The following ST6GALNAC1 variants were observed in gnomAD, a reference collection of about 807,000 sequenced individuals.
The protein encoded by ST6GALNAC1 is ST6 N-acetylgalactosaminide alpha-2,6-sialyltransferase 1.
ST6GALNAC1 carries 45 observed loss-of-function variants against 56.8 expected under a neutral mutation model. The observed-to-expected ratio is 0.79, with a 90% confidence interval of 0.62 to 1.02. The LOEUF (loss-of-function observed/expected upper bound fraction) is 1.02. ST6GALNAC1 is among the 50% of genes least tolerant of loss of function. The pLI is 0.00. For missense variants in ST6GALNAC1, 743 were observed against 754.8 expected (o/e 0.98, Z 0.18); for synonymous variants, 295 against 297.8 (o/e 0.99, Z 0.10).
downstream of ST6GALNAC1, among the ~76,000 whole-genome samples, chr17:76,619,763 T>A (rs1428874657): frequency 6.9e-6 from 1 of 144,268 alleles, no homozygotes; most frequent in Non-Finnish European, 1.5e-5. Flanking sequence ...TTTTTTTTTT[T>A]TAGGCAGAGT....
rs1337522315 is a variant in ST6GALNAC1, at chr17:76,643,545, G to A, written c.94C>T (p.Pro32Ser). 6.2e-7 allele frequency: 1 copy of A among 1,614,014 alleles called. No homozygotes were observed. The highest frequency in any genetic ancestry group is 1.3e-5 in the African/African-American group (1 of 74,930). The change falls in exon 1 of 9, where the codon CCC (proline) becomes TCC (serine). Residue 32 changes from proline to serine, a missense_variant. Coordinates refer to ENST00000156626, the MANE Select transcript of ST6GALNAC1 (RefSeq NM_018414.5). ...AVLVFFLFAL[P>S]SFIKEPQTKP... ...GTTTGAGGCTCCTTAATAAAAGAGG[G>A]CAAGGCGAAGAGAAAGAAGACCAGG...
chr17:76,638,226 A>T (rs567361059), intron 1 of ST6GALNAC1, among the ~76,000 whole-genome samples: 1 of 151,786 alleles, frequency 6.6e-6, no homozygotes, highest in East Asian at 1.9e-4. Context: ...ACAAGCATAG[A>T]TCTTCCAAAA....
intron 2 of ST6GALNAC1, among the ~76,000 whole-genome samples, chr17:76,628,515 C>T (rs1187093897): frequency 6.6e-6 from 1 of 152,122 alleles, no homozygotes; most frequent in Non-Finnish European, 1.5e-5. Context: ...GTGGTTCAGT[C>T]AGACTGTTTC....
At chr17:76,618,642 G>A in the ST6GALNAC1 span, among the ~76,000 whole-genome samples, 108 of 152,172 alleles carry the variant, frequency 7.1e-4, 1 homozygote, top group Middle Eastern at 0.01. Context: ...TTAGCCGGGC[G>A]TGGTGGCAGG....
chr17:76,640,485 G>A (rs1287810573), intron 1 of ST6GALNAC1, among the ~76,000 whole-genome samples: 1 of 152,082 alleles, frequency 6.6e-6, no homozygotes, highest in Non-Finnish European at 1.5e-5. Context: ...CCAAAACATC[G>A]CCCCAGGAGG....
In ST6GALNAC1 at chr17:76,626,087, G is replaced by T; in HGVS notation, c.1424C>A (p.Pro475His). The T allele has an allele frequency of 6.2e-7, 1 of 1,614,108 alleles. No homozygotes were observed. Among genetic ancestry groups the T allele is most frequent in the Middle Eastern group, 1.6e-4 (1 of 6,062 alleles). Residue 475 changes from proline to histidine, a missense_variant, in exon 7 of 9, where the codon CCC (proline) becomes CAC (histidine). Physicochemically the swap from Pro to His is moderately conservative, Grantham distance 77 (BLOSUM62 -2). Transcript: ENST00000156626. The stretch of plus-strand genomic sequence containing the variant: ...CAGGGCTTCCCGAAAAGCTTCCTGG[G>T]GTCTGTGCCTGTGGTTAGGAAGGGG... The part of the protein sequence containing the change: ...SKNLFWFRHR[P>H]QEAFREALHM...
intron 1 of ST6GALNAC1, among the ~76,000 whole-genome samples, chr17:76,636,552 C>G (rs1296320700): frequency 6.6e-6 from 1 of 152,178 alleles, no homozygotes; most frequent in Admixed American, 6.5e-5. Flanking sequence ...TCACACGGAG[C>G]TGAGATCACG....
chr17:76,642,369 C>T (rs928899803), intron 1 of ST6GALNAC1, among the ~76,000 whole-genome samples: 2 of 152,148 alleles, frequency 1.3e-5, no homozygotes, highest in Non-Finnish European at 2.9e-5. Context: ...CACTTCAGTT[C>T]TGTGTATCTC....
rs1174938950 is a variant in ST6GALNAC1, at chr17:76,625,150, A to G, written c.*180T>C. ...CAGCAATGTACTGAAGAACTTCAGAACCTCAATTAGCCATTTGCCATCTTG... is the reference window on the plus strand; with the variant it reads ...CAGCAATGTACTGAAGAACTTCAGAGCCTCAATTAGCCATTTGCCATCTTG... On this transcript the variant is annotated 3_prime_UTR_variant, in exon 9 of 9. Coordinates refer to ENST00000156626, the MANE Select transcript of ST6GALNAC1 (RefSeq NM_018414.5). 7 of 650,254 alleles carry G rather than the reference A, an allele frequency of 1.1e-5. No individual in the cohort carries two copies. In the Admixed American group the frequency reaches 1.8e-4, roughly 16 times the overall value. 40.3% of individuals were successfully genotyped at this position (650,254 alleles called of 1,614,324 possible).
chr17:76,618,898 C>A, the ST6GALNAC1 span, among the ~76,000 whole-genome samples: 1 of 152,110 alleles, frequency 6.6e-6, no homozygotes, highest in Non-Finnish European at 1.5e-5. Flanking sequence ...GCGCTGAGAT[C>A]ACGCCACTGC....
downstream of ST6GALNAC1, among the ~76,000 whole-genome samples, chr17:76,620,836 C>T (rs2075732706): frequency 6.6e-6 from 1 of 152,058 alleles, no homozygotes. Context: ...CCCAAGTGAT[C>T]CACCCGCCTC....
downstream of ST6GALNAC1, among the ~76,000 whole-genome samples, chr17:76,620,745 T>A (rs569265511): frequency 2.0e-5 from 3 of 151,958 alleles, no homozygotes; most frequent in African/African-American, 7.2e-5. Context: ...CCAGCTATTT[T>A]TTTTAATTTT....
chr17:76,643,422 A>G, intron 1 of ST6GALNAC1, 86 bp downstream of exon 1: 1 of 1,490,226 alleles, frequency 6.7e-7, no homozygotes, highest in Non-Finnish European at 9.1e-7. Context: ...CAGGTGGCTC[A>G]GACTTCCCCA....
downstream of ST6GALNAC1, among the ~76,000 whole-genome samples, chr17:76,623,699 TTTCCTC>T (rs2075761953): frequency 2.0e-5 from 3 of 152,358 alleles, no homozygotes; most frequent in East Asian, 5.8e-4. Context: ...TTATCACAGT[TTTCCTC>T]TTCTTTTCCA....
At chr17:76,621,234 G>A (rs2075737809), downstream of ST6GALNAC1, among the ~76,000 whole-genome samples, 1 of 136,682 alleles carries the variant, frequency 7.3e-6, no homozygotes, top group Non-Finnish European at 1.5e-5. Flanking sequence ...CCAGGCTGGA[G>A]TGCAGTGGCA....
At chr17:76,631,909 C>T (rs1417394001) in intron 1 of ST6GALNAC1, among the ~76,000 whole-genome samples, 1 of 152,162 alleles carries the variant, frequency 6.6e-6, no homozygotes. Context: ...TGAAAGAATG[C>T]CACTCAACAC....
intron 1 of ST6GALNAC1, among the ~76,000 whole-genome samples, chr17:76,635,650 C>T (rs2075964568): frequency 6.6e-6 from 1 of 152,118 alleles, no homozygotes; most frequent in South Asian, 2.1e-4. Context: ...ACAACAACAA[C>T]AATAACAACA....
At chr17:76,640,555 G>T (rs2076037266) in intron 1 of ST6GALNAC1, among the ~76,000 whole-genome samples, 1 of 152,048 alleles carries the variant, frequency 6.6e-6, no homozygotes, top group African/African-American at 2.4e-5. Flanking sequence ...GCTTGTCTTG[G>T]GTTTTTGTCA....
At chr17:76,628,096 CAAAA>C (rs11312067) in intron 2 of ST6GALNAC1, among the ~76,000 whole-genome samples, 1 of 69,786 alleles carries the variant, frequency 1.4e-5, no homozygotes, top group Non-Finnish European at 3.0e-5. Context: ...GAGTCCATCT[CAAAA>C]AAAAAAAAAA....
Sources: gnomAD v4.1 joint callset for allele counts (sites outside exome capture counted in the v4.1 genomes callset) on GRCh38, gnomAD v4.1.1 for gene constraint, MANE v1.5 for transcripts, NCBI Gene and HGNC (gene_info 2026-07-23, HGNC 2026-07-21) for gene names.